PDE11A: variants seen among roughly 807,000 people sequenced by gnomAD.
The protein encoded by PDE11A is phosphodiesterase 11A.
A neutral mutation model predicts 100.5 loss-of-function variants in PDE11A; 100 were observed. That is an observed-to-expected ratio of 1.00 (90% CI 0.85 to 1.18). The LOEUF (loss-of-function observed/expected upper bound fraction) is 1.18, where lower values mean the gene tolerates loss of function less well. Ranked by LOEUF, PDE11A falls within the 50% of genes most tolerant of loss-of-function variation. PDE11A has a pLI of 0.00. For missense variants in PDE11A, 1,141 were observed against 1,152.6 expected (o/e 0.99, Z 0.15); for synonymous variants, 381 against 420.8 (o/e 0.91, Z 1.16).
intron 13 of PDE11A, among the ~76,000 whole-genome samples, chr2:177,708,180 A>T (rs2081307605): frequency 6.6e-6 from 1 of 152,180 alleles, no homozygotes; most frequent in Admixed American, 6.5e-5. Flanking sequence ...ACAATGTTTC[A>T]TTGCAGCTCT....
At chr2:178,067,311 G>C (rs1358342756) in intron 1 of PDE11A, among the ~76,000 whole-genome samples, 1 of 152,070 alleles carries the variant, frequency 6.6e-6, no homozygotes, top group Admixed American at 6.6e-5. Context: ...ATTTTTAATG[G>C]CTCCCTGTGG....
At chr2:177,830,380 A>C (rs1360187097) in intron 6 of PDE11A, among the ~76,000 whole-genome samples, 1 of 152,050 alleles carries the variant, frequency 6.6e-6, no homozygotes, top group Non-Finnish European at 1.5e-5. Context: ...TGGGTGGATC[A>C]CTTGAGGTCA....
chr2:177,962,157 A>G (rs1574310265), intron 2 of PDE11A, among the ~76,000 whole-genome samples: 1 of 151,558 alleles, frequency 6.6e-6, no homozygotes, highest in South Asian at 2.1e-4. Flanking sequence ...TTGTCATCTC[A>G]TATTGCAATT....
At chr2:177,748,777 C>T (rs896942901) in intron 10 of PDE11A, among the ~76,000 whole-genome samples, 1 of 152,018 alleles carries the variant, frequency 6.6e-6, no homozygotes, top group Non-Finnish European at 1.5e-5. Context: ...TCTGATCGGA[C>T]CATAAATCCT....
intron 1 of PDE11A, chr2:178,104,544 A>G (rs1490960633): frequency 7.5e-7 from 1 of 1,340,994 alleles, no homozygotes; most frequent in Non-Finnish European, 1.1e-6. Context: ...CCGGGGAGAA[A>G]AAAGAATTCC....
chr2:177,698,750 A>G (rs983276531), intron 14 of PDE11A, among the ~76,000 whole-genome samples: 2 of 152,186 alleles, frequency 1.3e-5, no homozygotes, highest in Non-Finnish European at 2.9e-5. Context: ...ATAATTTTCA[A>G]ATGAGCTCTT....
chr2:177,859,276 A>T (rs1315379305), intron 5 of PDE11A, among the ~76,000 whole-genome samples: 1 of 152,056 alleles, frequency 6.6e-6, no homozygotes, highest in East Asian at 1.9e-4. Flanking sequence ...CTTTAAAAAA[A>T]TCCTTGTACA....
intron 5 of PDE11A, among the ~76,000 whole-genome samples, chr2:177,853,635 CATATATAT>C (rs371434526): frequency 0.016 from 564 of 36,066 alleles, 1 homozygote; most frequent in Middle Eastern, 0.023. Flanking sequence ...ACAAGTCCTG[CATATATAT>C]ATATATATAT....
chr2:178,044,376 T>TTATATATATAAACTTTATATGTTTA lies in PDE11A; in HGVS notation c.912+27125_912+27149dup, dbSNP rs1379840622. On this transcript the variant is annotated intron_variant, in intron 1 of 19. Transcript: ENST00000286063. Reference sequence around the variant, plus strand: ...ATATATAAACTTTATATATATGTTTTTATATATATAAACTTTATATGTTTA... The same window carrying TTATATATATAAACTTTATATGTTTA: ...ATATATAAACTTTATATATATGTTTTTATATATATAAACTTTATATGTTTATATATATATAAACTTTATATGTTTA... 3.8e-3 allele frequency among the ~76,000 whole-genome samples: 563 copies of TTATATATATAAACTTTATATGTTTA among 148,148 alleles called. 3 individuals carry two copies. The highest frequency in any genetic ancestry group is 6.3e-3 in the African/African-American group (256 of 40,888).
chr2:177,836,105 G>A (rs1158836910), intron 6 of PDE11A, among the ~76,000 whole-genome samples: 1 of 152,256 alleles, frequency 6.6e-6, no homozygotes, highest in African/African-American at 2.4e-5. Flanking sequence ...CCCCAGTGCG[G>A]GATCCACTAG....
At chr2:177,817,124 AATT>A (rs35875834) in intron 8 of PDE11A, among the ~76,000 whole-genome samples, 31,950 of 152,074 alleles carry the variant, frequency 0.21, 3,498 homozygotes, top group Non-Finnish European at 0.24. Context: ...CATGAGGAAA[AATT>A]ATGAATTTAA....
intron 2 of PDE11A, among the ~76,000 whole-genome samples, chr2:178,084,569 C>T (rs1357681568): frequency 6.6e-6 from 1 of 152,122 alleles, no homozygotes; most frequent in Non-Finnish European, 1.5e-5. Flanking sequence ...GACATGGGAG[C>T]AGGCAGGCTG....
At chr2:177,805,501 A>G (rs1030954812) in intron 9 of PDE11A, among the ~76,000 whole-genome samples, 9 of 152,162 alleles carry the variant, frequency 5.9e-5, no homozygotes, top group African/African-American at 2.2e-4. Flanking sequence ...AGATAACAAC[A>G]TTAATTTCAA....
chr2:178,083,233 G>T (rs35938761), intron 2 of PDE11A, among the ~76,000 whole-genome samples: 10,426 of 151,694 alleles, frequency 0.069, 469 homozygotes, highest in Non-Finnish European at 0.1. Context: ...CCAAGCAGCT[G>T]GGATTACAGG....
chr2:177,957,962 G>A (rs940090799), intron 2 of PDE11A, among the ~76,000 whole-genome samples: 2 of 129,278 alleles, frequency 1.5e-5, no homozygotes, highest in African/African-American at 6.4e-5. Context: ...GTGCAGTGGC[G>A]CAATCTTGGC....
intron 1 of PDE11A, among the ~76,000 whole-genome samples, chr2:178,040,353 G>A (rs1233528398): frequency 6.6e-6 from 1 of 152,136 alleles, no homozygotes; most frequent in Admixed American, 6.5e-5. Flanking sequence ...ATCGCACCCA[G>A]CTAGTGTTTT....
At chr2:177,852,790 A>AAAGAG (rs1291378724) in intron 5 of PDE11A, among the ~76,000 whole-genome samples, 2 of 152,164 alleles carry the variant, frequency 1.3e-5, no homozygotes, top group Non-Finnish European at 2.9e-5. Flanking sequence ...TGTGGTAGGA[A>AAAGAG]AAGAAGATTC....
chr2:177,828,934 G>A (rs1288583600), intron 6 of PDE11A, among the ~76,000 whole-genome samples: 1 of 151,782 alleles, frequency 6.6e-6, no homozygotes, highest in East Asian at 1.9e-4. Flanking sequence ...AGTATAGAGG[G>A]GCAAAGTGGA....
At chr2:177,791,267 C>T (rs1170162727) in intron 9 of PDE11A, among the ~76,000 whole-genome samples, 1 of 151,524 alleles carries the variant, frequency 6.6e-6, no homozygotes, top group African/African-American at 2.4e-5. Flanking sequence ...AATCATCATT[C>T]TCAGTAAACT....
Sources: gnomAD v4.1 joint callset for allele counts (sites outside exome capture counted in the v4.1 genomes callset) on GRCh38, gnomAD v4.1.1 for gene constraint, MANE v1.5 for transcripts, NCBI Gene and HGNC (gene_info 2026-07-23, HGNC 2026-07-21) for gene names.